The following LRP1B variants were observed in gnomAD, a reference collection of about 807,000 sequenced individuals.
LRP1B encodes low-density lipoprotein receptor-related protein 1B.
A neutral mutation model predicts 556.6 loss-of-function variants in LRP1B; 217 were observed. That is an observed-to-expected ratio of 0.39 (90% CI 0.35 to 0.44). The LOEUF is 0.44. Ranked by LOEUF, LRP1B falls within the 20% of genes least tolerant of loss-of-function variation. The pLI is 1.00. For missense variants in LRP1B, 5,053 were observed against 5,620.8 expected (o/e 0.90, Z 3.23); for synonymous variants, 2,047 against 1,865.8 (o/e 1.10, Z -2.50).
intron 1 of LRP1B, among the ~76,000 whole-genome samples, chr2:141,987,099 TCTTTAC>T (rs1200821843): frequency 6.6e-5 from 10 of 152,138 alleles, no homozygotes; most frequent in Non-Finnish European, 8.8e-5. Context: ...TTATTTTTCA[TCTTTAC>T]CTTTATCTCC....
At chr2:141,129,265 G>T (rs1370096139) in intron 7 of LRP1B, among the ~76,000 whole-genome samples, 2 of 151,944 alleles carry the variant, frequency 1.3e-5, no homozygotes, top group Non-Finnish European at 2.9e-5. Flanking sequence ...AAAATCGTAA[G>T]GTATAAATAT....
chr2:142,078,635 T>G (rs1472281062), intron 1 of LRP1B, among the ~76,000 whole-genome samples: 1 of 152,128 alleles, frequency 6.6e-6, no homozygotes, highest in Non-Finnish European at 1.5e-5. Flanking sequence ...GGAGAAAGCC[T>G]TTAGAGTAAT....
intron 2 of LRP1B, among the ~76,000 whole-genome samples, chr2:141,604,548 A>G (rs1687850259): frequency 6.6e-6 from 1 of 152,122 alleles, no homozygotes; most frequent in South Asian, 2.1e-4. Context: ...CTGTCTTCCC[A>G]TTTGGTACAT....
chr2:141,468,617 C>T (rs1016765150), intron 3 of LRP1B, among the ~76,000 whole-genome samples: 18 of 152,100 alleles, frequency 1.2e-4, no homozygotes, highest in Non-Finnish European at 1.5e-4. Context: ...TCTCTCCAAA[C>T]TTCTTTGAGA....
At chr2:140,658,039 C>T (rs904326757) in intron 41 of LRP1B, among the ~76,000 whole-genome samples, 2 of 152,056 alleles carry the variant, frequency 1.3e-5, no homozygotes, top group African/African-American at 2.4e-5. Context: ...TTAGAAGTAA[C>T]ATCACACATT....
intron 86 of LRP1B, among the ~76,000 whole-genome samples, chr2:140,266,947 A>G (rs1682232470): frequency 6.6e-6 from 1 of 152,118 alleles, no homozygotes; most frequent in South Asian, 2.1e-4. Context: ...TAAAGACTGC[A>G]ATGCAGTGTA....
intron 1 of LRP1B, among the ~76,000 whole-genome samples, chr2:141,935,194 A>G (rs1317897010): frequency 2.0e-5 from 3 of 152,224 alleles, no homozygotes; most frequent in Non-Finnish European, 4.4e-5. Flanking sequence ...AGGAAAATAA[A>G]GCATTTTAAA....
intron 86 of LRP1B, among the ~76,000 whole-genome samples, chr2:140,260,248 G>A (rs987914325): frequency 6.6e-6 from 1 of 151,812 alleles, no homozygotes; most frequent in Non-Finnish European, 1.5e-5. Flanking sequence ...GAACTGATGT[G>A]ATTTCAGAAG....
At chr2:140,870,236 A>G (rs1417495185) in intron 25 of LRP1B, among the ~76,000 whole-genome samples, 1 of 152,130 alleles carries the variant, frequency 6.6e-6, no homozygotes. Context: ...TTATTTGCAT[A>G]AGGCAATGTT....
At chr2:140,690,993 A>G (rs1430942641) in intron 41 of LRP1B, among the ~76,000 whole-genome samples, 1 of 152,184 alleles carries the variant, frequency 6.6e-6, no homozygotes, top group African/African-American at 2.4e-5. Context: ...CATTTTGAGA[A>G]CGAATGTCTG....
At chr2:141,201,221 G>A (rs569593137) in intron 6 of LRP1B, among the ~76,000 whole-genome samples, 5 of 152,168 alleles carry the variant, frequency 3.3e-5, no homozygotes, top group Admixed American at 6.6e-5. Context: ...GAGTCTGAAT[G>A]AGTAAAAATG....
In LRP1B at chr2:141,995,145, CTT is replaced by C. The variant is rs566588438; in HGVS notation, c.82+135501_82+135502del. On this transcript the variant is annotated intron_variant, in intron 1 of 90. Transcript: ENST00000389484. ...GCTGCTATTTAAAAATTGCCATAAACTTAGTGCATTCAAGCAACACGAATTTA... is the reference window on the plus strand; with the variant it reads ...GCTGCTATTTAAAAATTGCCATAAACAGTGCATTCAAGCAACACGAATTTA... Among the ~76,000 whole-genome samples, 660 of 152,012 alleles carry C rather than the reference CTT, an allele frequency of 4.3e-3. 2 individuals are homozygous for C. The highest frequency in any genetic ancestry group is 0.015 in the African/African-American group (632 of 41,452).
intron 1 of LRP1B, among the ~76,000 whole-genome samples, chr2:142,059,958 T>C (rs1704842427): frequency 4.6e-5 from 7 of 152,134 alleles, no homozygotes; most frequent in Admixed American, 4.6e-4. Flanking sequence ...TTTATAAAAA[T>C]GTATTAACCT....
intron 7 of LRP1B, among the ~76,000 whole-genome samples, chr2:141,140,091 G>A (rs529551172): frequency 7.2e-5 from 11 of 152,116 alleles, no homozygotes; most frequent in Admixed American, 7.2e-4. Flanking sequence ...CCAGGCGAAA[G>A]AGTGTGTGCT....
chr2:140,548,590 A>C (rs1680431717), intron 43 of LRP1B, among the ~76,000 whole-genome samples: 1 of 152,112 alleles, frequency 6.6e-6, no homozygotes, highest in African/African-American at 2.4e-5. Context: ...GGAATATGAT[A>C]ATTAAAAGAA....
chr2:141,822,824 C>G (rs918966740), intron 1 of LRP1B, among the ~76,000 whole-genome samples: 2 of 152,128 alleles, frequency 1.3e-5, no homozygotes, highest in Admixed American at 6.5e-5. Flanking sequence ...CAACAGGGGT[C>G]TCCACCTACA....
At chr2:142,045,062 T>C (rs1384814027) in intron 1 of LRP1B, among the ~76,000 whole-genome samples, 1 of 151,398 alleles carries the variant, frequency 6.6e-6, no homozygotes, top group African/African-American at 2.4e-5. Context: ...CATATAAGAC[T>C]ATGCATTTTA....
chr2:141,169,913 T>C (rs1221762436), intron 7 of LRP1B, among the ~76,000 whole-genome samples: 4 of 151,968 alleles, frequency 2.6e-5, no homozygotes, highest in African/African-American at 9.7e-5. Context: ...TTCTTAATTA[T>C]AAAGTACCAA....
intron 52 of LRP1B, among the ~76,000 whole-genome samples, chr2:140,507,589 T>C (rs1328374185): frequency 2.0e-5 from 3 of 152,070 alleles, no homozygotes; most frequent in Non-Finnish European, 4.4e-5. Flanking sequence ...AAATGGTTGA[T>C]CCAAGTGATC....
Sources: gnomAD v4.1 joint callset for allele counts (sites outside exome capture counted in the v4.1 genomes callset) on GRCh38, gnomAD v4.1.1 for gene constraint, MANE v1.5 for transcripts, NCBI Gene and HGNC (gene_info 2026-07-23, HGNC 2026-07-21) for gene names.